KNL1: variants seen among roughly 807,000 people sequenced by gnomAD.
The protein encoded by KNL1 is outer kinetochore KNL1 complex subunit KNL1.
A neutral mutation model predicts 201.3 loss-of-function variants in KNL1; 66 were observed. The ratio of observed to expected loss-of-function variants is 0.33; its 90% CI spans 0.27 to 0.40. KNL1 has a LOEUF of 0.40. Ranked by LOEUF, KNL1 falls within the 10% of genes least tolerant of loss-of-function variation. KNL1 has a pLI of 1.00. For missense variants in KNL1, 2,815 were observed against 2,690.5 expected, an observed-to-expected ratio of 1.05 and a Z score of -1.02; for synonymous variants, 895 against 899.2, an observed-to-expected ratio of 1.00 and a Z score of 0.08.
intron 17 of KNL1, 140 bp from the exon 18 acceptor site, chr15:40,650,161 C>A: frequency 5.4e-6 from 3 of 553,464 alleles, no homozygotes; most frequent in Non-Finnish European, 9.4e-6. Flanking sequence ...CAGACTAGAA[C>A]TTCTGAACTT....
chr15:40,607,946 A>T lies in KNL1; in HGVS notation c.136-901A>T, dbSNP rs566761821. On this transcript the variant is annotated intron_variant, in intron 4 of 25. Transcript: ENST00000399668. Reference sequence around the variant, plus strand: ...TATGATCCAACAATTCCACTTCTGGATATATATCCAAAAGAATTGAAAGGA... The same window carrying T: ...TATGATCCAACAATTCCACTTCTGGTTATATATCCAAAAGAATTGAAAGGA... 4.6e-5 allele frequency among the ~76,000 whole-genome samples: 7 copies of T among 152,284 alleles called. No individual in the cohort carries two copies. In the South Asian group the frequency reaches 1.5e-3, roughly 32 times the overall value.
chr15:40,602,303 AT>A (rs34302606), intron 1 of KNL1, among the ~76,000 whole-genome samples: 39 of 108,690 alleles, frequency 3.6e-4, no homozygotes, highest in Admixed American at 5.0e-4. Context: ...AAAGTGCTGT[AT>A]TTTTTTTTTT....
At chr15:40,650,195 T>C (rs1381263677) in intron 17 of KNL1, 106 bp from the exon 18 acceptor site, 2 of 711,124 alleles carry the variant, frequency 2.8e-6, no homozygotes, top group Middle Eastern at 4.1e-4. Flanking sequence ...AAACAATCTG[T>C]CGTTTAATAA....
At chr15:40,630,468 C>T (rs547691946) in intron 13 of KNL1, among the ~76,000 whole-genome samples, 25 of 152,294 alleles carry the variant, frequency 1.6e-4, no homozygotes, top group African/African-American at 5.1e-4. Flanking sequence ...TCCCCAACCC[C>T]TGGGGTTAGG....
chr15:40,606,718 C>A (rs1002749500), intron 4 of KNL1, among the ~76,000 whole-genome samples: 4 of 152,188 alleles, frequency 2.6e-5, no homozygotes, highest in African/African-American at 9.7e-5. Flanking sequence ...CCCGCCTCAG[C>A]CTCCTGAGTA....
rs1893936055 is a variant in KNL1 at position 40,662,359 on chromosome 15, A to T, written c.*171A>T. The T allele has an allele frequency of 5.5e-6, 3 of 543,420 alleles. No individual in the cohort carries two copies. The South Asian group carries it at 7.2e-5, about 13-fold the overall frequency. 33.7% of individuals were successfully genotyped at this position (543,420 alleles called of 1,614,324 possible). On this transcript the variant is annotated 3_prime_UTR_variant, in exon 26 of 26. Coordinates refer to ENST00000399668, the MANE Select transcript of KNL1 (RefSeq NM_144508.5). ...ATATCTCTGCAGAATGATGGTGATG[A>T]AGTCTGGATGGTAGGCCTCATAGCC...
chr15:40,650,641 A>G, intron 19 of KNL1, 58 bp downstream of exon 19: 3 of 1,430,426 alleles, frequency 2.1e-6, no homozygotes, highest in Non-Finnish European at 2.8e-6. Flanking sequence ...AGGCTAGATG[A>G]CTTCCTGCCT....
rs762998508 is a variant in KNL1, at chr15:40,652,153, A to G, written c.6415+48A>G. On this transcript the variant is annotated intron_variant, in intron 21 of 25. Coordinates refer to ENST00000399668, the MANE Select transcript of KNL1 (RefSeq NM_144508.5). ...TTCTTTTACAGAAAAATGAATGGCT[A>G]CACTCACTAAAGATTCAAATCTTTA... 3.3e-6 allele frequency: 4 copies of G among 1,201,266 alleles called. No homozygotes were observed. In the South Asian group the frequency reaches 3.7e-5, roughly 11 times the overall value. 74.4% of individuals were successfully genotyped at this position (1,201,266 alleles called of 1,614,324 possible). A position where few individuals can be genotyped will look rare whatever the true frequency, so the allele number is the denominator to read the frequency against.
chr15:40,629,962 A>C (rs966574387), intron 13 of KNL1, among the ~76,000 whole-genome samples: 1 of 129,050 alleles, frequency 7.7e-6, no homozygotes, highest in Non-Finnish European at 1.7e-5. Flanking sequence ...TTACAGAACT[A>C]ACATGGGCTT....
At chr15:40,640,061 TTTTTC>T (rs199666324) in intron 13 of KNL1, among the ~76,000 whole-genome samples, 1 of 148,044 alleles carries the variant, frequency 6.8e-6, no homozygotes, top group African/African-American at 2.6e-5. Context: ...TGACTTGATT[TTTTTC>T]TTTTCTTTTC....
At position 40,624,329 on chromosome 15, in the gene KNL1, A is replaced by G. The variant is rs1231808197; in HGVS notation, c.4065A>G (p.Gly1355=). Residue 1355 remains glycine (G), a synonymous_variant, in exon 10 of 26, where the codon GGA becomes GGG. Transcript: ENST00000399668. ...GTGAATATTACTTGGAATCTGAGGG[A>G]CAGCCTCTCTCTGCTCCTTGTCCTT... ...FASEYYLESE[G]QPLSAPCPLL... 1 of 1,613,898 alleles carries G rather than the reference A, an allele frequency of 6.2e-7. No individual in the cohort carries two copies. The highest frequency in any genetic ancestry group is 1.3e-5 in the African/African-American group (1 of 74,936).
At chr15:40,636,381 G>A (rs1321775428) in intron 13 of KNL1, among the ~76,000 whole-genome samples, 3 of 152,134 alleles carry the variant, frequency 2.0e-5, no homozygotes, top group African/African-American at 7.2e-5. Context: ...GCAGATCTCT[G>A]GGAATGTGGT....
At chr15:40,596,725 G>A (rs931307235) in intron 1 of KNL1, among the ~76,000 whole-genome samples, 33 of 151,738 alleles carry the variant, frequency 2.2e-4, no homozygotes, top group Non-Finnish European at 3.7e-4. Context: ...TTTGGGCCGG[G>A]CACGGTGGCT....
rs761476972 is a variant in KNL1 at position 40,654,928 on chromosome 15, C to G, written c.6435C>G (p.Asp2145Glu). ...TTCTAGTTGGTTTCCCTTTCCTGGA[C>G]AAGCGTTATAGGAAGATTGTTGATG... The part of the protein sequence containing the change: ...EESVVGFPFL[D>E]KRYRKIVDVN... The change falls in exon 22 of 26, where the codon GAC (aspartate) becomes GAG (glutamate). Residue 2145 changes from aspartate (D) to glutamate (E), a missense_variant. Transcript: ENST00000399668. 3 of 1,612,378 alleles carry G rather than the reference C, an allele frequency of 1.9e-6. No homozygotes were observed. Among genetic ancestry groups the G allele is most frequent in the Non-Finnish European group, 2.5e-6 (3 of 1,179,296 alleles).
At chr15:40,609,512 C>T (rs1892089038) in intron 5 of KNL1, among the ~76,000 whole-genome samples, 1 of 152,130 alleles carries the variant, frequency 6.6e-6, no homozygotes. Flanking sequence ...TCAAATGCTC[C>T]TTGAAGCTTA....
chr15:40,650,227 C>A (rs28438763), intron 17 of KNL1, 74 bp from the exon 18 acceptor site: 2 of 949,362 alleles, frequency 2.1e-6, no homozygotes, highest in South Asian at 1.6e-5. Flanking sequence ...TTGAATTATT[C>A]TTTTTTTCCT....
chr15:40,640,552 T>C (rs1465076813), intron 13 of KNL1, among the ~76,000 whole-genome samples: 3 of 151,964 alleles, frequency 2.0e-5, no homozygotes, highest in African/African-American at 7.3e-5. Context: ...GGATTATGGC[T>C]AGAAAATGGG....
At chr15:40,632,915 T>C (rs1380322459) in intron 13 of KNL1, among the ~76,000 whole-genome samples, 1 of 151,960 alleles carries the variant, frequency 6.6e-6, no homozygotes, top group African/African-American at 2.4e-5. Context: ...ATAAATAAAA[T>C]ACGACCCAAT....
chr15:40,596,464 C>T (rs1800656448), intron 1 of KNL1, among the ~76,000 whole-genome samples: 1 of 151,854 alleles, frequency 6.6e-6, no homozygotes, highest in Admixed American at 6.6e-5. Context: ...TTTAAGTAGA[C>T]ACGGGGTTTC....
Sources: gnomAD v4.1 joint callset for allele counts (sites outside exome capture counted in the v4.1 genomes callset) on GRCh38, gnomAD v4.1.1 for gene constraint, MANE v1.5 for transcripts, NCBI Gene and HGNC (gene_info 2026-07-23, HGNC 2026-07-21) for gene names.